Variants in KATNIP observed in about 807,000 individuals in gnomAD.
KATNIP encodes the protein katanin-interacting protein.
Under a neutral mutation model 174.0 loss-of-function variants are expected in KATNIP, and 126 were observed. That is an observed-to-expected ratio of 0.72 (90% confidence interval 0.63 to 0.84). The LOEUF (loss-of-function observed/expected upper bound fraction) is 0.84, where lower values mean the gene tolerates loss of function less well. Among genes scored for constraint, KATNIP ranks in the 40% least tolerant of loss-of-function variants. KATNIP has a pLI of 0.00. For missense variants in KATNIP, 1,958 were observed against 2,109.7 expected (o/e 0.93, Z 1.41); for synonymous variants, 810 against 835.7 (o/e 0.97, Z 0.53).
intron 20 of KATNIP, 51 bp from the exon 21 acceptor site, chr16:27,769,810 T>TCC (rs759671795): frequency 6.3e-7 from 1 of 1,598,458 alleles, no homozygotes; most frequent in Non-Finnish European, 8.6e-7. Context: ...ACCGCTTCTG[T>TCC]CCCCACATGG....
Position 27,698,398 on chromosome 16 carries a change from G to A in KATNIP, c.1011G>A (p.Glu337=), listed in dbSNP as rs758419263. 2.5e-6 allele frequency: 4 copies of A among 1,613,710 alleles called. No individual in the cohort carries two copies. The highest frequency in any genetic ancestry group is 3.4e-6 in the Non-Finnish European group (4 of 1,179,822). Residue 337 remains glutamate (E), a synonymous_variant, in exon 9 of 28, where the codon GAG becomes GAA. Coordinates refer to ENST00000261588, the MANE Select transcript of KATNIP (RefSeq NM_015202.5). ...CTCTTTGCGAGGCTGAGTACCCAGA[G>A]GAAGATGCCTCTGCTGTGCTCCAAG... The part of the protein sequence containing the change: ...RKTLCEAEYP[E]EDASAVLQAI...
In KATNIP at chr16:27,759,740, T is replaced by C. The variant is rs572736209; in HGVS notation, c.3632-1673T>C. 3.3e-5 allele frequency among the ~76,000 whole-genome samples: 5 copies of C among 152,288 alleles called. No individual in the cohort carries two copies. The East Asian group carries it at 9.7e-4, about 29-fold the overall frequency. The stretch of plus-strand genomic sequence containing the variant: ...CTTTACAGGCTCTGCTTGCCTCACG[T>C]GGGCTTCTGTCCCAGTGTTCAAAGC... On this transcript the variant is annotated intron_variant, in intron 18 of 27. Transcript: ENST00000261588.
At chr16:27,572,090 C>T (rs1260242779) in intron 1 of KATNIP, among the ~76,000 whole-genome samples, 1 of 151,704 alleles carries the variant, frequency 6.6e-6, no homozygotes, top group Admixed American at 6.6e-5. Context: ...CCCATATACC[C>T]CTGTCCCCAC....
In KATNIP at chr16:27,681,669, G is replaced by T. The variant is rs1056150795; in HGVS notation, c.940+139G>T. 14 of 892,138 alleles carry T rather than the reference G, an allele frequency of 1.6e-5. No individual in the cohort carries two copies. In the African/African-American group the frequency reaches 2.3e-4, roughly 15 times the overall value. The allele number at this position is 892,138 out of a possible 1,614,324, so 55.3% of individuals were successfully genotyped here. On this transcript the variant is annotated intron_variant, in intron 8 of 27. Coordinates refer to ENST00000261588, the MANE Select transcript of KATNIP (RefSeq NM_015202.5). ...CCTTTAGCAAATGTATTAGTCAGGGGTCTGCAGAGGAACAGAATGAAAAGG... is the reference window on the plus strand; with the variant it reads ...CCTTTAGCAAATGTATTAGTCAGGGTTCTGCAGAGGAACAGAATGAAAAGG...
At chr16:27,717,343 T>C (rs1317386908) in intron 13 of KATNIP, among the ~76,000 whole-genome samples, 1 of 152,204 alleles carries the variant, frequency 6.6e-6, no homozygotes, top group Non-Finnish European at 1.5e-5. Flanking sequence ...TTCAGTGTTA[T>C]GTTAATACTG....
intron 3 of KATNIP, among the ~76,000 whole-genome samples, chr16:27,623,607 G>A (rs1055283983): frequency 6.6e-6 from 1 of 151,978 alleles, no homozygotes; most frequent in African/African-American, 2.4e-5. Context: ...CTACATGTGC[G>A]GGCCACCACA....
chr16:27,601,107 G>C (rs143792543), intron 2 of KATNIP, among the ~76,000 whole-genome samples: 317 of 152,300 alleles, frequency 2.1e-3, no homozygotes, highest in African/African-American at 7.2e-3. Flanking sequence ...TCTACTCCAA[G>C]TTCCTTGAGG....
chr16:27,623,142 C>T (rs941102060), intron 3 of KATNIP, among the ~76,000 whole-genome samples: 2 of 152,190 alleles, frequency 1.3e-5, no homozygotes, highest in African/African-American at 4.8e-5. Flanking sequence ...CGAGCCAGTG[C>T]TCTCTCCTCT....
intron 2 of KATNIP, among the ~76,000 whole-genome samples, chr16:27,591,810 A>C (rs2075178274): frequency 1.3e-5 from 2 of 152,208 alleles, no homozygotes; most frequent in South Asian, 4.1e-4. Flanking sequence ...CATACTGAGC[A>C]CATCAGCTAA....
intron 6 of KATNIP, among the ~76,000 whole-genome samples, chr16:27,665,679 C>A (rs892622091): frequency 5.9e-5 from 9 of 151,680 alleles, no homozygotes; most frequent in African/African-American, 2.2e-4. Flanking sequence ...TGGCTCCCTG[C>A]AACCTCCACC....
intron 2 of KATNIP, among the ~76,000 whole-genome samples, chr16:27,603,681 G>A (rs138325816): frequency 6.6e-6 from 1 of 151,202 alleles, no homozygotes; most frequent in African/African-American, 2.4e-5. Context: ...TTGGGCTCAA[G>A]TGATCTTCCC....
chr16:27,635,554 A>G (rs1422279103), intron 5 of KATNIP, among the ~76,000 whole-genome samples: 3 of 152,084 alleles, frequency 2.0e-5, no homozygotes, highest in Non-Finnish European at 4.4e-5. Context: ...TTTAACAGAC[A>G]TGTATTGATA....
chr16:27,645,446 C>T (rs1415136529), intron 5 of KATNIP, among the ~76,000 whole-genome samples: 2 of 152,194 alleles, frequency 1.3e-5, no homozygotes, highest in Non-Finnish European at 2.9e-5. Flanking sequence ...GGGCCCTTCA[C>T]CACACAGGAG....
chr16:27,599,728 A>C (rs974131969), intron 2 of KATNIP, among the ~76,000 whole-genome samples: 1 of 151,604 alleles, frequency 6.6e-6, no homozygotes, highest in Non-Finnish European at 1.5e-5. Flanking sequence ...TCTTACTCCA[A>C]CTTCCGCTGT....
intron 12 of KATNIP, among the ~76,000 whole-genome samples, chr16:27,706,642 C>A (rs1398867089): frequency 6.6e-6 from 1 of 152,192 alleles, no homozygotes; most frequent in Non-Finnish European, 1.5e-5. Flanking sequence ...GCTTAGTTAA[C>A]AGATCCTTCA....
chr16:27,618,878 C>T (rs2076118418), intron 3 of KATNIP, among the ~76,000 whole-genome samples: 1 of 152,094 alleles, frequency 6.6e-6, no homozygotes, highest in African/African-American at 2.4e-5. Context: ...ATAATCATGT[C>T]GTGTTATGCA....
chr16:27,623,001 CTG>C (rs1221558077), intron 3 of KATNIP, among the ~76,000 whole-genome samples: 1 of 152,218 alleles, frequency 6.6e-6, no homozygotes, highest in Non-Finnish European at 1.5e-5. Context: ...ATGTGCAGCT[CTG>C]TGGAGCATCC....
intron 1 of KATNIP, among the ~76,000 whole-genome samples, chr16:27,567,676 A>G (rs1375590111): frequency 6.6e-6 from 1 of 152,190 alleles, no homozygotes; most frequent in Non-Finnish European, 1.5e-5. Flanking sequence ...GGCACCTGCC[A>G]CCACGCCTGG....
chr16:27,613,765 C>T (rs1011474099), intron 2 of KATNIP, among the ~76,000 whole-genome samples: 1 of 152,124 alleles, frequency 6.6e-6, no homozygotes, highest in East Asian at 1.9e-4. Context: ...CTCCCCAGAC[C>T]CACTCTCCTG....
Sources: allele counts gnomAD v4.1 joint callset (sites outside exome capture counted in the v4.1 genomes callset), GRCh38; gene constraint gnomAD v4.1.1; transcripts MANE v1.5; gene names NCBI Gene and HGNC (gene_info 2026-07-23, HGNC 2026-07-21).